The following KANTR variants were observed in gnomAD, a reference collection of about 807,000 sequenced individuals.
The protein encoded by KANTR is KDM5C adjacent transcript.
chrX:53,137,466 T>C (rs1183001183), intron 2 of KANTR, among the ~76,000 whole-genome samples: 3 of 112,242 alleles, frequency 2.7e-5, no homozygotes, highest in Non-Finnish European at 5.6e-5. Context: ...CTCACGCCTG[T>C]AATCCCAGCA....
intron 2 of KANTR, among the ~76,000 whole-genome samples, chrX:53,137,015 T>C (rs1237047651): frequency 1.8e-5 from 2 of 108,570 alleles, no homozygotes; most frequent in East Asian, 5.8e-4. Context: ...GTTGGGATTA[T>C]AAACATGAGC....
At chrX:53,103,383 A>C (rs1932911890) in intron 2 of KANTR, among the ~76,000 whole-genome samples, 1 of 110,827 alleles carries the variant, frequency 9.0e-6, no homozygotes, top group Admixed American at 9.6e-5. Flanking sequence ...CACGCCTACT[A>C]GTACTCCAAC....
At chrX:53,102,797 A>G (rs782050580) in intron 2 of KANTR, among the ~76,000 whole-genome samples, 1 of 111,121 alleles carries the variant, frequency 9.0e-6, no homozygotes, top group South Asian at 3.8e-4. Flanking sequence ...AAATGAATTT[A>G]GCTGTGATCT....
At chrX:53,134,246 C>T (rs1293908035) in intron 2 of KANTR, among the ~76,000 whole-genome samples, 1 of 110,619 alleles carries the variant, frequency 9.0e-6, no homozygotes, top group Non-Finnish European at 1.9e-5. Flanking sequence ...CCTGTAATGT[C>T]AGCTGCTCGG....
chrX:53,099,173 C>T (rs1438994664), intron 1 of KANTR, among the ~76,000 whole-genome samples: 1 of 111,252 alleles, frequency 9.0e-6, no homozygotes, highest in African/African-American at 3.3e-5. Context: ...GAGTTTGAGA[C>T]CAGCCTGGCC....
intron 2 of KANTR, among the ~76,000 whole-genome samples, chrX:53,116,630 C>T (rs916759655): frequency 9.0e-5 from 10 of 111,429 alleles, no homozygotes; most frequent in Non-Finnish European, 1.3e-4. Context: ...AGTGAAATGT[C>T]GTAGACCTCA....
At chrX:53,128,821 A>G (rs1556816527), downstream of KANTR, among the ~76,000 whole-genome samples, 1 of 108,840 alleles carries the variant, frequency 9.2e-6, no homozygotes, top group Admixed American at 1.0e-4. Context: ...TACCATACAT[A>G]TTTAACCTAA....
At chrX:53,123,470 A>T (rs1933252682) in exon 3 of KANTR, 1 of 111,866 alleles carries the variant, frequency 8.9e-6, no homozygotes, top group Admixed American at 9.5e-5. Flanking sequence ...TATTTGCAGA[A>T]CATGCATCAT....
chrX:53,098,635 A>AGT (rs782303928), intron 1 of KANTR, among the ~76,000 whole-genome samples: 1 of 112,076 alleles, frequency 8.9e-6, no homozygotes, highest in South Asian at 3.6e-4. Context: ...TGTTGTTTCC[A>AGT]GTGTTCACAG....
At chrX:53,117,689 C>A (rs1432816884) in intron 2 of KANTR, among the ~76,000 whole-genome samples, 1 of 93,616 alleles carries the variant, frequency 1.1e-5, no homozygotes, top group Non-Finnish European at 2.1e-5. Context: ...GGTGTGATCT[C>A]GGCTCACTGT....
intron 2 of KANTR, among the ~76,000 whole-genome samples, chrX:53,139,355 T>C (rs782786412): frequency 8.9e-6 from 1 of 111,952 alleles, no homozygotes; most frequent in Non-Finnish European, 1.9e-5. Context: ...AAGACTATAA[T>C]CCATATGCTG....
chrX:53,116,408 G>T (rs782691544), intron 2 of KANTR, among the ~76,000 whole-genome samples: 4 of 112,048 alleles, frequency 3.6e-5, no homozygotes, highest in Non-Finnish European at 7.5e-5. Context: ...TTTCCTTGGC[G>T]TGCATATAGC....
intron 2 of KANTR, among the ~76,000 whole-genome samples, chrX:53,100,952 C>T (rs782273616): frequency 1.8e-5 from 2 of 112,135 alleles, no homozygotes; most frequent in African/African-American, 3.2e-5. Flanking sequence ...CCTCATGAAC[C>T]GACTTTTGCT....
chrX:53,099,277 G>A (rs898785385), intron 1 of KANTR, among the ~76,000 whole-genome samples, 195 bp from the exon 2 acceptor site: 1 of 111,270 alleles, frequency 9.0e-6, no homozygotes, highest in Non-Finnish European at 1.9e-5. Context: ...GGAGACTGAG[G>A]CAGGAGAATC....
At chrX:53,105,252 G>A (rs910357875) in intron 2 of KANTR, among the ~76,000 whole-genome samples, 1 of 111,651 alleles carries the variant, frequency 9.0e-6, no homozygotes, top group Admixed American at 9.6e-5. Flanking sequence ...TATCAGCAGT[G>A]TATGAAGGTT....
chrX:53,094,312 G>T (rs1932831171), intron 1 of KANTR, 28 bp downstream of exon 1: 4 of 111,971 alleles, frequency 3.6e-5, no homozygotes, highest in Admixed American at 9.4e-5. Context: ...CGGGGCGGTG[G>T]GGGGAGTGGC....
chrX:53,103,083 C>G (rs902136376), intron 2 of KANTR, among the ~76,000 whole-genome samples: 4 of 105,272 alleles, frequency 3.8e-5, no homozygotes, highest in African/African-American at 1.4e-4. Context: ...CTCCTGGGTT[C>G]AAGTGATTTT....
At chrX:53,096,382 A>G (rs1360805780) in intron 1 of KANTR, among the ~76,000 whole-genome samples, 3 of 112,467 alleles carry the variant, frequency 2.7e-5, no homozygotes, top group African/African-American at 9.7e-5. Flanking sequence ...TTTCACCTAC[A>G]TTACTGGTGA....
At chrX:53,143,079 G>A, downstream of KANTR, 1 of 1,201,681 alleles carries the variant, frequency 8.3e-7, no homozygotes, top group Non-Finnish European at 1.1e-6. Context: ...TCATGATGGA[G>A]TTGAAGGTGG....
Sources: allele counts gnomAD v4.1 joint callset (sites outside exome capture counted in the v4.1 genomes callset), GRCh38; gene constraint gnomAD v4.1.1; transcripts MANE v1.5; gene names NCBI Gene and HGNC (gene_info 2026-07-23, HGNC 2026-07-21).